The following ARNT2 variants were observed in gnomAD, a reference collection of about 807,000 sequenced individuals.
ARNT2 encodes ARNT protein 2.
ARNT2 carries 36 observed loss-of-function variants against 91.7 expected under a neutral mutation model. The ratio of observed to expected loss-of-function variants is 0.39; its 90% confidence interval spans 0.30 to 0.52. The LOEUF (loss-of-function observed/expected upper bound fraction) is 0.52. Ranked by LOEUF, ARNT2 falls within the 20% of genes least tolerant of loss-of-function variation. The pLI, the probability that ARNT2 is intolerant of heterozygous loss-of-function variation, is 0.72. For synonymous variants in ARNT2, 365 were observed against 347.1 expected (o/e 1.05, Z -0.57); for missense variants, 775 against 939.3 (o/e 0.83, Z 2.29).
intron 5 of ARNT2, among the ~76,000 whole-genome samples, chr15:80,506,862 G>A (rs1414582171): frequency 6.6e-6 from 1 of 151,932 alleles, no homozygotes; most frequent in African/African-American, 2.4e-5. Context: ...GGAGAAGGTG[G>A]TGTCCCAAGG....
At chr15:80,550,078 T>A (rs1359830541) in intron 8 of ARNT2, among the ~76,000 whole-genome samples, 2 of 152,086 alleles carry the variant, frequency 1.3e-5, no homozygotes, top group African/African-American at 4.8e-5. Context: ...TAGTGTTCAG[T>A]GAAGTAAGCA....
intron 3 of ARNT2, among the ~76,000 whole-genome samples, chr15:80,462,788 G>A (rs1896580737): frequency 6.6e-6 from 1 of 152,222 alleles, no homozygotes; most frequent in African/African-American, 2.4e-5. Context: ...ATTTTGTAGA[G>A]TTAGCCAGTG....
chr15:80,597,848 G>C lies in ARNT2; in HGVS notation c.*4150G>C, dbSNP rs9801. 0.023 allele frequency: 3,561 copies of C among 152,928 alleles called. 63 individuals carry two copies. Among genetic ancestry groups the C allele is most frequent in the Non-Finnish European group, 0.036 (2,434 of 68,158 alleles). 9.5% of individuals were successfully genotyped at this position (152,928 alleles called of 1,614,324 possible). ...TCTTGAATGTTCTCTATGACTAACA[G>C]TTATTAAGTCGGTTGTGTATATGTG... On this transcript the variant is annotated 3_prime_UTR_variant, in exon 19 of 19. Transcript: ENST00000303329.
intron 1 of ARNT2, among the ~76,000 whole-genome samples, chr15:80,405,443 GC>G (rs1054163302): frequency 7.2e-5 from 11 of 152,100 alleles, no homozygotes; most frequent in Non-Finnish European, 7.4e-5. Context: ...ACAGAGGGCG[GC>G]CCCCAGGAAA....
intron 5 of ARNT2, among the ~76,000 whole-genome samples, chr15:80,486,356 A>G (rs995592220): frequency 2.6e-5 from 4 of 152,178 alleles, no homozygotes; most frequent in African/African-American, 9.7e-5. Flanking sequence ...CCCAGTATAG[A>G]TTGTAACAGT....
chr15:80,429,143 C>G (rs1344346160), intron 1 of ARNT2, among the ~76,000 whole-genome samples: 1 of 152,148 alleles, frequency 6.6e-6, no homozygotes, highest in Non-Finnish European at 1.5e-5. Flanking sequence ...ACAAACAGCT[C>G]CTAAAACCCT....
chr15:80,587,931 C>T (rs1016209105), intron 17 of ARNT2, among the ~76,000 whole-genome samples: 4 of 152,188 alleles, frequency 2.6e-5, no homozygotes, highest in African/African-American at 9.7e-5. Context: ...GAAGGATCTT[C>T]ATGCCAACAT....
At chr15:80,585,660 G>A (rs997498527) in intron 17 of ARNT2, among the ~76,000 whole-genome samples, 6 of 152,160 alleles carry the variant, frequency 3.9e-5, no homozygotes, top group East Asian at 3.9e-4. Context: ...CACTCAGTAG[G>A]GGGTGCAGAT....
At chr15:80,577,081 C>A in intron 15 of ARNT2, 116 bp downstream of exon 15, 1 of 1,018,494 alleles carries the variant, frequency 9.8e-7, no homozygotes, top group Non-Finnish European at 1.5e-6. Flanking sequence ...TACTGGCGCT[C>A]AGGCCTTGGA....
At chr15:80,584,014 C>T (rs1355863890) in intron 17 of ARNT2, among the ~76,000 whole-genome samples, 1 of 152,208 alleles carries the variant, frequency 6.6e-6, no homozygotes, top group Non-Finnish European at 1.5e-5. Flanking sequence ...CATGTGTTAC[C>T]TTTGGCCACA....
chr15:80,453,333 G>A (rs970839249), intron 2 of ARNT2, among the ~76,000 whole-genome samples: 3 of 152,188 alleles, frequency 2.0e-5, no homozygotes, highest in Non-Finnish European at 4.4e-5. Context: ...TCTCTAGGGT[G>A]CTTGTCCTCC....
At chr15:80,459,585 C>T (rs1896524644) in intron 3 of ARNT2, among the ~76,000 whole-genome samples, 1 of 152,080 alleles carries the variant, frequency 6.6e-6, no homozygotes. Context: ...TGAGGAGTGA[C>T]GTTTGTTTGA....
At chr15:80,519,879 T>TTA (rs58165549) in intron 8 of ARNT2, among the ~76,000 whole-genome samples, 2 of 148,642 alleles carry the variant, frequency 1.3e-5, no homozygotes, top group African/African-American at 5.0e-5. Flanking sequence ...TTTTTTTTTT[T>TTA]ACTAGAGATG....
At chr15:80,449,413 G>A (rs116227831) in intron 1 of ARNT2, among the ~76,000 whole-genome samples, 2,115 of 152,256 alleles carry the variant, frequency 0.014, 51 homozygotes, top group African/African-American at 0.049. Context: ...ATCAAAGCAG[G>A]CAGATGATAA....
intron 2 of ARNT2, among the ~76,000 whole-genome samples, chr15:80,452,309 C>T (rs1039881989): frequency 6.6e-6 from 1 of 152,206 alleles, no homozygotes; most frequent in Non-Finnish European, 1.5e-5. Flanking sequence ...AGCCACTTCT[C>T]TCTCTGCAGC....
intron 1 of ARNT2, among the ~76,000 whole-genome samples, chr15:80,427,626 C>T (rs955177569): frequency 1.3e-5 from 2 of 152,092 alleles, no homozygotes; most frequent in African/African-American, 4.8e-5. Flanking sequence ...GCCAAGAAGT[C>T]GCTGAAGTTG....
chr15:80,439,948 G>A (rs899856412), intron 1 of ARNT2, among the ~76,000 whole-genome samples: 6 of 152,296 alleles, frequency 3.9e-5, no homozygotes, highest in Admixed American at 3.9e-4. Flanking sequence ...GAGAATCAGA[G>A]CTTTGAACCC....
At chr15:80,464,171 A>G (rs1259010360) in intron 3 of ARNT2, among the ~76,000 whole-genome samples, 2 of 152,116 alleles carry the variant, frequency 1.3e-5, no homozygotes, top group East Asian at 1.9e-4. Context: ...GCTCTGAACT[A>G]GGACCAGTTA....
chr15:80,409,817 C>T (rs1295176341), intron 1 of ARNT2, among the ~76,000 whole-genome samples: 1 of 152,128 alleles, frequency 6.6e-6, no homozygotes, highest in Non-Finnish European at 1.5e-5. Context: ...TTGAGTCAAG[C>T]TCCAAGGAAT....
Sources: allele counts gnomAD v4.1 joint callset (sites outside exome capture counted in the v4.1 genomes callset), GRCh38; gene constraint gnomAD v4.1.1; transcripts MANE v1.5; gene names NCBI Gene and HGNC (gene_info 2026-07-23, HGNC 2026-07-21).